RANBP2: variants seen among roughly 807,000 people sequenced by gnomAD.
The protein encoded by RANBP2 is E3 SUMO-protein ligase RanBP2.
Under a neutral mutation model 303.6 loss-of-function variants are expected in RANBP2, and 57 were observed. The observed-to-expected ratio is 0.19, with a 90% confidence interval of 0.15 to 0.23. The LOEUF (loss-of-function observed/expected upper bound fraction) is 0.23. Among genes scored for constraint, RANBP2 ranks in the 10% least tolerant of loss-of-function variants. The pLI is 1.00. For synonymous variants in RANBP2, 1,167 were observed against 1,301.5 expected, an observed-to-expected ratio of 0.90 and a Z score of 2.23; for missense variants, 3,138 against 3,780.8, an observed-to-expected ratio of 0.83 and a Z score of 4.46.
In RANBP2 at chr2:108,724,461, A is replaced by AT. The variant is rs1003525831; in HGVS notation, c.73-4662dup. ...GTTATCGAATTCTGAGTTTGAAATAATTTTTTTTTCGCAATTTTGAAAGCA... is the reference window on the plus strand; with the variant it reads ...GTTATCGAATTCTGAGTTTGAAATAATTTTTTTTTTCGCAATTTTGAAAGCA... On this transcript the variant is annotated intron_variant, in intron 1 of 28. Coordinates refer to ENST00000283195, the MANE Select transcript of RANBP2 (RefSeq NM_006267.5). 1.9e-3 allele frequency among the ~76,000 whole-genome samples: 289 copies of AT among 151,476 alleles called. 2 individuals are homozygous for AT. Among genetic ancestry groups the AT allele is most frequent in the African/African-American group, 6.8e-3 (280 of 41,274 alleles).
chr2:109,040,972 C>A, the RANBP2 span, among the ~76,000 whole-genome samples: 279 of 152,266 alleles, frequency 1.8e-3, no homozygotes, highest in African/African-American at 6.3e-3. Flanking sequence ...AGGAGAATGG[C>A]GTGGACCCAG....
chr2:109,577,670 T>A, the RANBP2 span, among the ~76,000 whole-genome samples: 1 of 151,696 alleles, frequency 6.6e-6, no homozygotes, highest in African/African-American at 2.4e-5. Context: ...CCCAGCACTT[T>A]GGGAGGCCAA....
the RANBP2 span, among the ~76,000 whole-genome samples, chr2:109,656,912 G>A: frequency 1.1e-4 from 17 of 152,038 alleles, no homozygotes; most frequent in Admixed American, 3.9e-4. Flanking sequence ...AAAGTAGGGC[G>A]GTTCATAGAA....
chr2:109,490,206 C>T, the RANBP2 span, among the ~76,000 whole-genome samples: 9 of 152,212 alleles, frequency 5.9e-5, no homozygotes, highest in Admixed American at 5.2e-4. Context: ...CATGTAGGCA[C>T]CAGCCTTGGA....
At chr2:109,464,144 C>T in the RANBP2 span, among the ~76,000 whole-genome samples, 1 of 152,190 alleles carries the variant, frequency 6.6e-6, no homozygotes, top group Non-Finnish European at 1.5e-5. Context: ...TAAAATACTT[C>T]CAGGGACAAG....
chr2:109,267,585 G>A, the RANBP2 span, among the ~76,000 whole-genome samples: 2 of 152,186 alleles, frequency 1.3e-5, no homozygotes, highest in Admixed American at 1.3e-4. Context: ...GGGCCCCCGA[G>A]TGCCGGCTGT....
the RANBP2 span, chr2:108,896,963 T>C: frequency 3.7e-6 from 6 of 1,613,758 alleles, no homozygotes; most frequent in Non-Finnish European, 5.1e-6. Context: ...CACTCCAGTA[T>C]GTCTGCACAC....
the RANBP2 span, among the ~76,000 whole-genome samples, chr2:109,247,693 A>G: frequency 6.6e-6 from 1 of 152,218 alleles, no homozygotes; most frequent in African/African-American, 2.4e-5. Flanking sequence ...GTGAAGGAGA[A>G]CATCTTCTAT....
the RANBP2 span, among the ~76,000 whole-genome samples, chr2:109,134,452 C>T: frequency 6.6e-6 from 1 of 152,272 alleles, no homozygotes; most frequent in South Asian, 2.1e-4. Flanking sequence ...AGTGTGGAAA[C>T]AGCAGTTTGC....
chr2:109,163,066 AG>A, the RANBP2 span, among the ~76,000 whole-genome samples: 5 of 152,242 alleles, frequency 3.3e-5, no homozygotes, highest in African/African-American at 7.2e-5. Flanking sequence ...CCCGCCAAAT[AG>A]GAGGCTGAAG....
the RANBP2 span, among the ~76,000 whole-genome samples, chr2:109,414,408 T>C: frequency 6.6e-6 from 1 of 152,268 alleles, no homozygotes; most frequent in East Asian, 1.9e-4. Flanking sequence ...GATTCAGGTT[T>C]CATCTGGTTT....
chr2:108,814,317 TGTA>T, the RANBP2 span, among the ~76,000 whole-genome samples: 1 of 152,198 alleles, frequency 6.6e-6, no homozygotes, highest in Admixed American at 6.5e-5. Context: ...CCAGTGGGTG[TGTA>T]GTAGTATCTT....
At chr2:108,806,633 G>A in the RANBP2 span, among the ~76,000 whole-genome samples, 5 of 152,114 alleles carry the variant, frequency 3.3e-5, no homozygotes, top group Non-Finnish European at 5.9e-5. Context: ...AATAAGTAAC[G>A]AGCGTGGCTG....
At chr2:109,439,300 G>C in the RANBP2 span, among the ~76,000 whole-genome samples, 1 of 152,148 alleles carries the variant, frequency 6.6e-6, no homozygotes, top group Non-Finnish European at 1.5e-5. Context: ...GTGCATCCCA[G>C]CCCAGCACTT....
chr2:109,402,367 C>T, the RANBP2 span, among the ~76,000 whole-genome samples: 1 of 152,246 alleles, frequency 6.6e-6, no homozygotes, highest in East Asian at 1.9e-4. Context: ...GAGCCCAGGC[C>T]CAGGATTCTG....
intron 1 of RANBP2, among the ~76,000 whole-genome samples, chr2:108,720,875 G>A (rs1192844841): frequency 6.6e-6 from 1 of 152,086 alleles, no homozygotes; most frequent in African/African-American, 2.4e-5. Flanking sequence ...TTGATACCTC[G>A]TCTCTACTAA....
At chr2:109,380,514 A>T in the RANBP2 span, among the ~76,000 whole-genome samples, 1 of 152,192 alleles carries the variant, frequency 6.6e-6, no homozygotes, top group Non-Finnish European at 1.5e-5. Context: ...TAAGCTGGGA[A>T]GCTTGCAGCA....
the RANBP2 span, among the ~76,000 whole-genome samples, chr2:109,057,120 G>T: frequency 2.6e-5 from 4 of 152,304 alleles, no homozygotes; most frequent in East Asian, 7.7e-4. Context: ...TTTTAGGCAA[G>T]AAATTTGCAG....
the RANBP2 span, among the ~76,000 whole-genome samples, chr2:109,352,535 C>T: frequency 8.1e-3 from 1,228 of 152,280 alleles, 14 homozygotes; most frequent in African/African-American, 0.028. Context: ...CTTTGGGGGC[C>T]GAGACGATGA....
Sources: gnomAD v4.1 joint callset for allele counts (sites outside exome capture counted in the v4.1 genomes callset) on GRCh38, gnomAD v4.1.1 for gene constraint, MANE v1.5 for transcripts, NCBI Gene and HGNC (gene_info 2026-07-23, HGNC 2026-07-21) for gene names.